YIPF5: variants seen among roughly 807,000 people sequenced by gnomAD.
YIPF5 encodes the protein protein YIPF5.
In YIPF5, 8 loss-of-function variants were observed where a neutral mutation model predicts 30.4. That is an observed-to-expected ratio of 0.26 (90% CI 0.15 to 0.47). The LOEUF (loss-of-function observed/expected upper bound fraction) is 0.47. Ranked by LOEUF, YIPF5 falls within the 20% of genes least tolerant of loss-of-function variation. YIPF5 has a pLI of 0.99. For synonymous variants in YIPF5, 104 were observed against 107.9 expected (o/e 0.96, Z 0.23); for missense variants, 282 against 301.8 (o/e 0.93, Z 0.49).
chr5:144,168,816 A>G (rs543603844), intron 2 of YIPF5, among the ~76,000 whole-genome samples: 34 of 152,320 alleles, frequency 2.2e-4, no homozygotes, highest in South Asian at 8.3e-4. Context: ...TGTTTTTTAA[A>G]TTCTTGGGCA....
At position 144,159,596 on chromosome 5, in the gene YIPF5, C is replaced by G. The variant is rs1172241383; in HGVS notation, c.*801G>C. The G allele has an allele frequency of 7.1e-6, 7 of 985,110 alleles. No homozygotes were observed. In the East Asian group the frequency reaches 6.8e-4, roughly 96 times the overall value. 61.0% of individuals were successfully genotyped at this position (985,110 alleles called of 1,614,324 possible). ...CAAATTTTTGGAGTGCAAACTCATA[C>G]TCTACATTTGGATCACTTTTTTGCT... On this transcript the variant is annotated 3_prime_UTR_variant, in exon 6 of 6. Coordinates refer to ENST00000274496, the MANE Select transcript of YIPF5 (RefSeq NM_030799.9).
chr5:144,162,332 A>G lies in YIPF5; in HGVS notation c.497T>C (p.Leu166Ser). Reference sequence around the variant, plus strand: ...ACCTGTCATACTCATTAAGTTTAATAAACAAAACATTCCTAGACATCCAAT... The same window carrying G: ...ACCTGTCATACTCATTAAGTTTAATGAACAAAACATTCCTAGACATCCAAT... ...SAIGCLGMFCLLNLMSMTGVS... is the reference protein window; with the variant it reads ...SAIGCLGMFCSLNLMSMTGVS... Residue 166 changes from leucine to serine, a missense_variant, in exon 5 of 6, where the codon TTA becomes TCA. By Grantham distance (145) the Leu-to-Ser change is moderately radical. Coordinates refer to ENST00000274496, the MANE Select transcript of YIPF5 (RefSeq NM_030799.9). The G allele has an allele frequency of 6.2e-7, 1 of 1,614,156 alleles. No individual in the cohort carries two copies. The highest frequency in any genetic ancestry group is 8.5e-7 in the Non-Finnish European group (1 of 1,179,992).
chr5:144,162,795 C>A (rs1752086188), intron 4 of YIPF5, among the ~76,000 whole-genome samples: 1 of 152,086 alleles, frequency 6.6e-6, no homozygotes, highest in Non-Finnish European at 1.5e-5. Flanking sequence ...GTACCTAATT[C>A]CACCAAAAAT....
At chr5:144,164,484 C>T (rs1206288739) in intron 3 of YIPF5, among the ~76,000 whole-genome samples, 1 of 151,990 alleles carries the variant, frequency 6.6e-6, no homozygotes, top group East Asian at 1.9e-4. Context: ...CTCCTGAACT[C>T]AAAGTGATGT....
Position 144,162,262 on chromosome 5 carries a change from C to A in YIPF5, c.567G>T (p.Leu189=), listed in dbSNP as rs76530087. 8.1e-5 allele frequency: 131 copies of A among 1,614,006 alleles called. No homozygotes were observed. In the East Asian group the frequency reaches 1.9e-3, roughly 23 times the overall value. Residue 189 remains leucine, a synonymous_variant, in exon 5 of 6, where the codon CTG becomes CTT. Transcript: ENST00000274496. ...CAAAGCTGGAAAGTAGGATCATGGG[C>A]AGAAGACAATATCCAAGGACACTTG... ...CVASVLGYCL[L]PMILLSSFAV...
rs1228822654 is a variant in YIPF5, at chr5:144,159,234, A to G, written c.*1163T>C. ...TAGTTAAAAAAGAGACAAAGAGAACAGTAGTTTAGTAAAAGTAAATTCAAT... is the reference window on the plus strand; with the variant it reads ...TAGTTAAAAAAGAGACAAAGAGAACGGTAGTTTAGTAAAAGTAAATTCAAT... On this transcript the variant is annotated 3_prime_UTR_variant, in exon 6 of 6. Coordinates refer to ENST00000274496, the MANE Select transcript of YIPF5 (RefSeq NM_030799.9). 2.0e-6 allele frequency: 2 copies of G among 980,918 alleles called. No individual in the cohort carries two copies. Among genetic ancestry groups the G allele is most frequent in the Admixed American group, 6.1e-5 (1 of 16,264 alleles). 60.8% of individuals were successfully genotyped at this position (980,918 alleles called of 1,614,324 possible).
At position 144,165,608 on chromosome 5, in the gene YIPF5, TAAATGAAAGAAA is replaced by T; in HGVS notation, c.111-16_111-5del. ...ATAGTCATAGCCAGCATACTGTCTA[TAAATGAAAGAAA>T]GTTAAATTTTTCAGAGGTATTTCAA... On this transcript the variant is annotated splice_region_variant and splice_polypyrimidine_tract_variant and intron_variant, in intron 2 of 5. Transcript: ENST00000274496. The T allele has an allele frequency of 6.2e-7, 1 of 1,613,482 alleles. No homozygotes were observed. The highest frequency in any genetic ancestry group is 8.5e-7 in the Non-Finnish European group (1 of 1,179,520).
intron 2 of YIPF5, among the ~76,000 whole-genome samples, chr5:144,169,476 A>G (rs1472076367): frequency 6.6e-6 from 1 of 152,214 alleles, no homozygotes; most frequent in Non-Finnish European, 1.5e-5. Context: ...GGACTGATTT[A>G]ACTACTAACA....
intron 2 of YIPF5, among the ~76,000 whole-genome samples, chr5:144,165,973 T>C (rs546245219): frequency 6.8e-4 from 103 of 152,356 alleles, no homozygotes; most frequent in African/African-American, 2.3e-3. Context: ...AAATAAAATC[T>C]ATGGCTAAGA....
chr5:144,169,744 T>A, intron 2 of YIPF5, 102 bp downstream of exon 2: 1 of 932,344 alleles, frequency 1.1e-6, no homozygotes, highest in South Asian at 1.5e-5. Context: ...ATACTCCTGA[T>A]AAAGGACATG....
chr5:144,163,030 T>C (rs1280684195), intron 4 of YIPF5, among the ~76,000 whole-genome samples: 1 of 152,206 alleles, frequency 6.6e-6, no homozygotes, highest in Non-Finnish European at 1.5e-5. Context: ...TACATCCCTT[T>C]GATTAAGAAA....
rs1475176547 is a variant in YIPF5 at position 144,160,460 on chromosome 5, T to G, written c.711A>C (p.Gln237His). 6.2e-7 allele frequency: 1 copy of G among 1,614,170 alleles called. No homozygotes were observed. The highest frequency in any genetic ancestry group is 8.5e-7 in the Non-Finnish European group (1 of 1,180,028). ...FISALAMEGQ[Q>H]LLVAYPCALL... ...AAGCGCAAGGATATGCTACTAAAAG[T>G]TGCTGTCCTTCCATGGCTAATGCAG... Residue 237 changes from glutamine (Q) to histidine (H), a missense_variant, in exon 6 of 6, where the codon CAA becomes CAC. By Grantham distance (24) the Gln-to-His change is conservative. Coordinates refer to ENST00000274496, the MANE Select transcript of YIPF5 (RefSeq NM_030799.9).
intron 2 of YIPF5, among the ~76,000 whole-genome samples, chr5:144,169,323 C>T (rs1225109811): frequency 6.6e-6 from 1 of 152,122 alleles, no homozygotes; most frequent in Non-Finnish European, 1.5e-5. Context: ...TGGCACTGAC[C>T]ATAAGGGTTT....
At position 144,162,331 on chromosome 5, in the gene YIPF5, T is replaced by G. The variant is rs1296011974; in HGVS notation, c.498A>C (p.Leu166Phe). The stretch of plus-strand genomic sequence containing the variant: ...CACCTGTCATACTCATTAAGTTTAA[T>G]AAACAAAACATTCCTAGACATCCAA... The part of the protein sequence containing the change: ...SAIGCLGMFC[L>F]LNLMSMTGVS... The change falls in exon 5 of 6, where the codon TTA (leucine) becomes TTC (phenylalanine). Residue 166 changes from leucine (L) to phenylalanine (F), a missense_variant. Transcript: ENST00000274496. 1.9e-6 allele frequency: 3 copies of G among 1,614,002 alleles called. No homozygotes were observed. In the African/African-American group the frequency reaches 4.0e-5, roughly 22 times the overall value.
At chr5:144,166,475 A>G (rs902013512) in intron 2 of YIPF5, among the ~76,000 whole-genome samples, 1 of 152,214 alleles carries the variant, frequency 6.6e-6, no homozygotes, top group Non-Finnish European at 1.5e-5. Flanking sequence ...AATTATTTTA[A>G]AAGATATTCT....
At chr5:144,161,593 G>A (rs536161368) in intron 5 of YIPF5, among the ~76,000 whole-genome samples, 40 of 152,114 alleles carry the variant, frequency 2.6e-4, no homozygotes, top group Non-Finnish European at 1.8e-4. Flanking sequence ...TGATCTGCCC[G>A]CCTAGGCCTC....
At position 144,170,596 on chromosome 5, in the gene YIPF5, A is replaced by G. The variant is rs1317986598; in HGVS notation, c.-72T>C. The G allele has an allele frequency of 6.5e-6, 1 of 152,894 alleles. No homozygotes were observed. The highest frequency in any genetic ancestry group is 1.5e-5 in the Non-Finnish European group (1 of 68,588). The allele number at this position is 152,894 out of a possible 1,614,324, so 9.5% of individuals were successfully genotyped here. On this transcript the variant is annotated 5_prime_UTR_variant, in exon 1 of 6. Transcript: ENST00000274496. ...CTTCACTAATCCCAAACAACCCCCA[A>G]ACTCTGTTTCAGACCCTGAACCAGC...
Position 144,159,141 on chromosome 5 carries a change from T to C in YIPF5, c.*1256A>G. On this transcript the variant is annotated 3_prime_UTR_variant, in exon 6 of 6. Coordinates refer to ENST00000274496, the MANE Select transcript of YIPF5 (RefSeq NM_030799.9). ...AACTCAAACTGCTCATTTAATCCCC[T>C]TTTTGTCTGATTCTATATTAGCTGA... The C allele has an allele frequency of 1.0e-6, 1 of 984,506 alleles. No homozygotes were observed. 61.0% of individuals were successfully genotyped at this position (984,506 alleles called of 1,614,324 possible).
At chr5:144,162,594 T>C (rs146488612) in intron 4 of YIPF5, among the ~76,000 whole-genome samples, 195 bp from the exon 5 acceptor site, 23 of 152,196 alleles carry the variant, frequency 1.5e-4, no homozygotes, top group African/African-American at 5.5e-4. Context: ...TACAGAGATA[T>C]TTGGTTCTCC....
Sources: gnomAD v4.1 joint callset for allele counts (sites outside exome capture counted in the v4.1 genomes callset) on GRCh38, gnomAD v4.1.1 for gene constraint, MANE v1.5 for transcripts, NCBI Gene and HGNC (gene_info 2026-07-23, HGNC 2026-07-21) for gene names.